FGD4: variants seen among roughly 807,000 people sequenced by gnomAD.
FGD4 encodes the protein FYVE, RhoGEF and PH domain-containing protein 4.
Under a neutral mutation model 102.0 loss-of-function variants are expected in FGD4, and 42 were observed. The ratio of observed to expected loss-of-function variants is 0.41; its 90% confidence interval spans 0.32 to 0.53. The LOEUF (loss-of-function observed/expected upper bound fraction) is 0.53. FGD4 is among the 20% of genes least tolerant of loss of function. The pLI, the probability that FGD4 is intolerant of heterozygous loss-of-function variation, is 0.21. For missense variants in FGD4, 902 were observed against 1,078.2 expected (o/e 0.84, Z 2.29); for synonymous variants, 380 against 375.7 (o/e 1.01, Z -0.13).
intron 8 of FGD4, 130 bp from the exon 9 acceptor site, chr12:32,610,646 T>G (rs1949079794): frequency 2.6e-6 from 2 of 778,624 alleles, no homozygotes; most frequent in Non-Finnish European, 4.2e-6. Flanking sequence ...ATACCGTTTA[T>G]AAATGGAAAA....
intron 4 of FGD4, 40 bp from the exon 5 acceptor site, chr12:32,598,457 G>A (rs1231234080): frequency 2.2e-5 from 29 of 1,339,130 alleles, no homozygotes; most frequent in African/African-American, 2.9e-5. Flanking sequence ...TATTGTCCAA[G>A]GTATCTTTCC....
intron 1 of FGD4, among the ~76,000 whole-genome samples, chr12:32,560,778 A>C (rs1210233330): frequency 6.7e-6 from 1 of 149,962 alleles, no homozygotes; most frequent in South Asian, 2.1e-4. Context: ...CTGCTTCCTC[A>C]ACCTCCTGGG....
intron 14 of FGD4, 139 bp downstream of exon 14, chr12:32,625,918 C>T: frequency 8.7e-7 from 1 of 1,146,122 alleles, no homozygotes; most frequent in Non-Finnish European, 1.3e-6. Context: ...GTGCAGAGGA[C>T]TGTGCTGAGC....
chr12:32,478,721 C>G (rs1943647049), intron 1 of FGD4, among the ~76,000 whole-genome samples: 1 of 152,170 alleles, frequency 6.6e-6, no homozygotes, highest in African/African-American at 2.4e-5. Context: ...TCCTTTTTCT[C>G]TCTTTGTTCT....
chr12:32,471,560 C>T (rs1414708777), intron 1 of FGD4, among the ~76,000 whole-genome samples: 1 of 152,196 alleles, frequency 6.6e-6, no homozygotes, highest in Non-Finnish European at 1.5e-5. Context: ...AAGGGGATAT[C>T]TGTTTTGGCT....
At chr12:32,400,783 C>A (rs1940629698) in intron 1 of FGD4, among the ~76,000 whole-genome samples, 1 of 152,194 alleles carries the variant, frequency 6.6e-6, no homozygotes, top group African/African-American at 2.4e-5. Flanking sequence ...GGCAAAACCT[C>A]ATTTGAGCAG....
chr12:32,422,288 C>CTTTTTTTTTTTTTTTTTTTTTT lies in FGD4; in HGVS notation c.166+22336_166+22357dup, dbSNP rs770560590. On this transcript the variant is annotated intron_variant, in intron 1 of 16. Transcript: ENST00000534526. ...TTGAAGCATCTCAAATTGGGAGCTG[C>CTTTTTTTTTTTTTTTTTTTTTT]TTTTTTTTTTTTTTTTTTTTTTTTT... Among the ~76,000 whole-genome samples the CTTTTTTTTTTTTTTTTTTTTTT allele has an allele frequency of 3.5e-4, 19 of 54,174 alleles. 4 individuals are homozygous for CTTTTTTTTTTTTTTTTTTTTTT. The highest frequency in any genetic ancestry group is 7.8e-4 in the South Asian group (1 of 1,278). The allele number at this position is 54,174 out of a possible 152,430, so 35.5% of individuals were successfully genotyped here.
intron 1 of FGD4, among the ~76,000 whole-genome samples, chr12:32,528,378 C>T (rs1390439023): frequency 1.3e-5 from 2 of 152,186 alleles, no homozygotes; most frequent in African/African-American, 2.4e-5. Context: ...ATATAACCTA[C>T]GCACATCCTC....
chr12:32,463,903 T>C (rs1361834074), intron 1 of FGD4, among the ~76,000 whole-genome samples: 1 of 152,238 alleles, frequency 6.6e-6, no homozygotes, highest in Non-Finnish European at 1.5e-5. Flanking sequence ...GGATTTAGAA[T>C]GTAGCCTTGT....
intron 1 of FGD4, chr12:32,502,148 C>CACCGGA: frequency 1.0e-6 from 1 of 985,520 alleles, no homozygotes; most frequent in Non-Finnish European, 1.2e-6. Context: ...GTTCACTCCC[C>CACCGGA]ACCGGAATGT....
intron 15 of FGD4, among the ~76,000 whole-genome samples, chr12:32,635,182 T>G (rs1483156189): frequency 1.3e-5 from 2 of 152,118 alleles, no homozygotes; most frequent in Non-Finnish European, 2.9e-5. Context: ...GGTATAGATG[T>G]TACTCGTATG....
chr12:32,524,800 G>T (rs1940966315), intron 1 of FGD4, among the ~76,000 whole-genome samples: 1 of 151,116 alleles, frequency 6.6e-6, no homozygotes, highest in Non-Finnish European at 1.5e-5. Flanking sequence ...GATCCACCTG[G>T]GTGACAGAGT....
intron 4 of FGD4, among the ~76,000 whole-genome samples, chr12:32,591,579 A>T (rs1947477787): frequency 1.3e-5 from 2 of 152,206 alleles, no homozygotes; most frequent in Non-Finnish European, 2.9e-5. Context: ...GGTGGATGGC[A>T]CCAAGATTTT....
At chr12:32,418,598 T>TG (rs1242627344) in intron 1 of FGD4, among the ~76,000 whole-genome samples, 3 of 152,216 alleles carry the variant, frequency 2.0e-5, no homozygotes, top group East Asian at 1.9e-4. Context: ...ACCTGGACCT[T>TG]GGGGGGTGGG....
intron 4 of FGD4, among the ~76,000 whole-genome samples, chr12:32,591,798 G>T (rs1947496268): frequency 6.6e-6 from 1 of 152,202 alleles, no homozygotes; most frequent in South Asian, 2.1e-4. Context: ...GGGCTACAGT[G>T]ACTAACAACC....
chr12:32,526,295 A>G lies in FGD4; in HGVS notation c.167-37842A>G, dbSNP rs1029547346. ...GTGGAGAACCTTTATGTCTAGCTCA[A>G]GGATTGTAAATACACCAATCGGCAC... On this transcript the variant is annotated intron_variant, in intron 1 of 16. Transcript: ENST00000534526. Among the ~76,000 whole-genome samples the G allele has an allele frequency of 2.0e-5, 3 of 151,870 alleles. No individual in the cohort carries two copies. The East Asian group carries it at 5.8e-4, about 29-fold the overall frequency.
chr12:32,512,719 G>A (rs1939508728), intron 1 of FGD4, among the ~76,000 whole-genome samples: 1 of 152,126 alleles, frequency 6.6e-6, no homozygotes, highest in Admixed American at 6.5e-5. Context: ...TTCTCTCCTA[G>A]GGAGCATATA....
chr12:32,546,118 G>A (rs1419962555), intron 1 of FGD4, among the ~76,000 whole-genome samples: 1 of 152,154 alleles, frequency 6.6e-6, no homozygotes, highest in Non-Finnish European at 1.5e-5. Flanking sequence ...GTACTTATGT[G>A]TGGCCAGTAG....
chr12:32,625,201 CT>C, intron 13 of FGD4, 133 bp downstream of exon 13: 1 of 663,870 alleles, frequency 1.5e-6, no homozygotes, highest in Non-Finnish European at 2.7e-6. Context: ...GAATCTCATT[CT>C]TTCTTAGATG....
Sources: allele counts gnomAD v4.1 joint callset (sites outside exome capture counted in the v4.1 genomes callset), GRCh38; gene constraint gnomAD v4.1.1; transcripts MANE v1.5; gene names NCBI Gene and HGNC (gene_info 2026-07-23, HGNC 2026-07-21).